Variants in KIF20A observed in about 807,000 individuals in gnomAD.
KIF20A encodes kinesin-like protein KIF20A.
Under a neutral mutation model 113.0 loss-of-function variants are expected in KIF20A, and 66 were observed. That is an observed-to-expected ratio of 0.58 (90% CI 0.48 to 0.72). The LOEUF is 0.72. Ranked by LOEUF, KIF20A falls within the 30% of genes least tolerant of loss-of-function variation. The probability of loss-of-function intolerance (pLI) is 0.00; values close to 1 mark genes in which losing one functional copy is unlikely to be tolerated. For missense variants in KIF20A, 927 were observed against 1,077.6 expected, an observed-to-expected ratio of 0.86 and a Z score of 1.96; for synonymous variants, 376 against 402.3, an observed-to-expected ratio of 0.93 and a Z score of 0.78.
In KIF20A at chr5:138,182,442, G is replaced by A; in HGVS notation, c.495G>A (p.Gly165=). Residue 165 remains glycine (G), a synonymous_variant, in exon 5 of 19, where the codon GGG becomes GGA. Transcript: ENST00000394894. ...LIYTYGVTNS[G]KTHTIQGTIK... is the part of the protein sequence containing the mutation. ...ATACATATGGAGTCACTAACTCAGG[G>A]AAAACCCACACGATTCAAGGTGAGT... is the stretch of plus-strand genomic sequence containing the variant. 6.2e-7 allele frequency: 1 copy of A among 1,614,120 alleles called. No homozygotes were observed. Among genetic ancestry groups the A allele is most frequent in the Non-Finnish European group, 8.5e-7 (1 of 1,179,970 alleles).
In KIF20A at chr5:138,182,987, G is replaced by A; in HGVS notation, c.829G>A (p.Asp277Asn). 1 of 1,614,132 alleles carries A rather than the reference G, an allele frequency of 6.2e-7. No individual in the cohort carries two copies. Reference protein sequence around the residue: ...ISQCTSSSQLDETSHRWAQPD... With the variant: ...ISQCTSSSQLNETSHRWAQPD... ...TCAGTGTACCAGCAGTAGCCAGCTG[G>A]ATGGTATGTACCGTGACTGGGCTCT... The change falls in exon 7 of 19, where the codon GAT becomes AAT. Residue 277 changes from aspartate (D) to asparagine (N), a missense_variant. Physicochemically the swap from Asp to Asn is conservative, Grantham distance 23. Coordinates refer to ENST00000394894, the MANE Select transcript of KIF20A (RefSeq NM_005733.3).
chr5:138,180,887 G>A (rs375573841), intron 2 of KIF20A, among the ~76,000 whole-genome samples: 1 of 152,182 alleles, frequency 6.6e-6, no homozygotes, highest in East Asian at 1.9e-4. Context: ...GTGTTGGCCA[G>A]ACTGGTCTGG....
intron 18 of KIF20A, 138 bp downstream of exon 18, chr5:138,186,569 A>G: frequency 1.0e-6 from 1 of 964,854 alleles, no homozygotes; most frequent in Non-Finnish European, 1.5e-6. Flanking sequence ...TGCAAAATAA[A>G]AATAACTATT....
Position 138,187,306 on chromosome 5 carries a change from C to T in KIF20A, c.2566C>T (p.Arg856Ter), listed in dbSNP as rs748338050. ...KKPFLRNLLP[R>*]TPTCQSSTDC... is the part of the protein sequence containing the mutation. ...ACCATTCCTTCGAAATTTACTTCCC[C>T]GAACACCAACCTGCCAAAGCTCAAC... The change falls in exon 19 of 19, where the codon CGA (arginine) becomes TGA (stop). Residue 856 changes from arginine to a stop codon, truncating the protein, a stop_gained. Transcript: ENST00000394894. LOFTEE classifies it high-confidence loss of function. The T allele has an allele frequency of 8.7e-6, 14 of 1,614,018 alleles. No homozygotes were observed. Among genetic ancestry groups the T allele is most frequent in the Admixed American group, 1.7e-5 (1 of 59,996 alleles).
In KIF20A at chr5:138,183,323, G is replaced by A; in HGVS notation, c.987G>A (p.Leu329=). ...GCCAACAGCGCAAGAGGCAGACTTTGCGGCTATGCGAGGATCAAAATGGCA... is the reference window on the plus strand; with the variant it reads ...GCCAACAGCGCAAGAGGCAGACTTTACGGCTATGCGAGGATCAAAATGGCA... ...PPSQQRKRQT[L]RLCEDQNGNP... is the part of the protein sequence containing the mutation. Residue 329 remains leucine (L), a synonymous_variant, in exon 8 of 19, where the codon TTG becomes TTA. Transcript: ENST00000394894. The surrounding 1 kb of genome is among the most constrained non-coding windows in gnomAD (Gnocchi z 5.2). The A allele has an allele frequency of 6.2e-7, 1 of 1,614,252 alleles. No individual in the cohort carries two copies. Among genetic ancestry groups the A allele is most frequent in the Non-Finnish European group, 8.5e-7 (1 of 1,180,052 alleles).
chr5:138,183,148 A>G lies in KIF20A; in HGVS notation c.833-21A>G, dbSNP rs754207545. 15 of 1,612,742 alleles carry G rather than the reference A, an allele frequency of 9.3e-6. No individual in the cohort carries two copies. In the African/African-American group the frequency reaches 1.6e-4, roughly 17 times the overall value. ...GTGAACTGCTCTAGGTTGATGCCCT[A>G]TACATTGGCTTCTTCTCCAGAAACA... On this transcript the variant is annotated intron_variant, in intron 7 of 18. Transcript: ENST00000394894. This position sits in a 1 kb window ranked among gnomAD's most constrained non-coding sequence, Gnocchi z 5.2.
rs202002672 is a variant in KIF20A at position 138,185,576 on chromosome 5, C to T, written c.1991C>T (p.Ala664Val). The change falls in exon 16 of 19, where the codon GCC becomes GTC. Residue 664 changes from alanine (A) to valine (V), a missense_variant. Coordinates refer to ENST00000394894, the MANE Select transcript of KIF20A (RefSeq NM_005733.3). ...LLQEARQQSV[A>V]HQQSGSELAL... Reference sequence around the variant, plus strand: ...CAGGAAGCCAGACAACAGTCAGTGGCCCATCAGCAATCAGGGTCTGAATTG... The same window carrying T: ...CAGGAAGCCAGACAACAGTCAGTGGTCCATCAGCAATCAGGGTCTGAATTG... The T allele has an allele frequency of 6.7e-5, 108 of 1,613,994 alleles. No individual in the cohort carries two copies. The highest frequency in any genetic ancestry group is 9.2e-5 in the Non-Finnish European group (108 of 1,180,020).
In KIF20A at chr5:138,185,949, T is replaced by C; in HGVS notation, c.2126-12T>C. On this transcript the variant is annotated splice_polypyrimidine_tract_variant and intron_variant, in intron 16 of 18. Transcript: ENST00000394894. ...CCCCACATATTTTAAGTTTCCTGTT[T>C]CCTTCCCTCAGAGTTGCATAAGTAT... The C allele has an allele frequency of 6.2e-7, 1 of 1,612,348 alleles. No individual in the cohort carries two copies. Among genetic ancestry groups the C allele is most frequent in the Non-Finnish European group, 8.5e-7 (1 of 1,178,508 alleles).
In KIF20A at chr5:138,182,455, A is replaced by G; in HGVS notation, c.508A>G (p.Ile170Val). 1 of 1,614,018 alleles carries G rather than the reference A, an allele frequency of 6.2e-7. No homozygotes were observed. Among genetic ancestry groups the G allele is most frequent in the Non-Finnish European group, 8.5e-7 (1 of 1,179,952 alleles). ...CACTAACTCAGGGAAAACCCACACG[A>G]TTCAAGGTGAGTAGTAAGCCTTCAC... is the stretch of plus-strand genomic sequence containing the variant. The part of the protein sequence containing the change: ...GVTNSGKTHT[I>V]QGTIKDGGIL... The change falls in exon 5 of 19, where the codon ATT becomes GTT. Residue 170 changes from isoleucine to valine, a missense_variant. By Grantham distance (29) the Ile-to-Val change is conservative. Transcript: ENST00000394894.
At position 138,186,517 on chromosome 5, in the gene KIF20A, G is replaced by A. The variant is rs1754748611; in HGVS notation, c.2355+86G>A. Reference sequence around the variant, plus strand: ...AAGGAAAGAGGACCAGAAGAAAAAGGTAAAGATTTTTAGGCTGAATTTATA... The same window carrying A: ...AAGGAAAGAGGACCAGAAGAAAAAGATAAAGATTTTTAGGCTGAATTTATA... On this transcript the variant is annotated intron_variant, in intron 18 of 18. Coordinates refer to ENST00000394894, the MANE Select transcript of KIF20A (RefSeq NM_005733.3). The A allele has an allele frequency of 1.0e-5, 15 of 1,446,928 alleles. No individual in the cohort carries two copies. The South Asian group carries it at 1.1e-4, about 10-fold the overall frequency. The allele number at this position is 1,446,928 out of a possible 1,614,324, so 89.6% of individuals were successfully genotyped here. A position where few individuals can be genotyped will look rare whatever the true frequency, so the allele number is the denominator to read the frequency against.
At position 138,184,882 on chromosome 5, in the gene KIF20A, C is replaced by G. The variant is rs1185333526; in HGVS notation, c.1759C>G (p.His587Asp). The G allele has an allele frequency of 1.2e-5, 20 of 1,614,160 alleles. No individual in the cohort carries two copies. Among genetic ancestry groups the G allele is most frequent in the Non-Finnish European group, 1.5e-5 (18 of 1,180,008 alleles). The change falls in exon 14 of 19, where the codon CAT (histidine) becomes GAT (aspartate). Residue 587 changes from histidine to aspartate, a missense_variant. Physicochemically the swap from His to Asp is moderately conservative, Grantham distance 81. Coordinates refer to ENST00000394894, the MANE Select transcript of KIF20A (RefSeq NM_005733.3). ...ERQEKLQLEMHLRDEICNEMV... is the reference protein window; with the variant it reads ...ERQEKLQLEMDLRDEICNEMV... ...ACAGGAAAAGCTACAGCTGGAGATG[C>G]ATCTCCGAGATGAAATTTGCAATGA...
Position 138,183,230 on chromosome 5 carries a change from C to G in KIF20A, c.894C>G (p.Arg298=), listed in dbSNP as rs146016855. 2.5e-6 allele frequency: 4 copies of G among 1,614,100 alleles called. No individual in the cohort carries two copies. The highest frequency in any genetic ancestry group is 1.3e-5 in the African/African-American group (1 of 74,940). ...CACTACCTGTCCCGGCAAACATTCG[C>G]TTCTCCATCTGGATCTCATTCTTTG... ...TAPLPVPANI[R]FSIWISFFEI... The change falls in exon 8 of 19, where the codon CGC becomes CGG. Residue 298 remains arginine (R), a synonymous_variant. Coordinates refer to ENST00000394894, the MANE Select transcript of KIF20A (RefSeq NM_005733.3). The surrounding 1 kb of genome is among the most constrained non-coding windows in gnomAD (Gnocchi z 5.2).
intron 2 of KIF20A, among the ~76,000 whole-genome samples, chr5:138,180,738 C>A (rs1475299571): frequency 6.6e-6 from 1 of 152,094 alleles, no homozygotes; most frequent in Non-Finnish European, 1.5e-5. Context: ...TGCAGTGGCA[C>A]AATCTCTGCT....
At position 138,183,020 on chromosome 5, in the gene KIF20A, A is replaced by G. The variant is rs1166731188; in HGVS notation, c.832+30A>G. On this transcript the variant is annotated intron_variant, in intron 7 of 18. Coordinates refer to ENST00000394894, the MANE Select transcript of KIF20A (RefSeq NM_005733.3). This position sits in a 1 kb window ranked among gnomAD's most constrained non-coding sequence, Gnocchi z 5.2. ...GTACCGTGACTGGGCTCTGCCAAAAAATAGTAGGAACTCACTCCCTGTTCC... is the reference window on the plus strand; with the variant it reads ...GTACCGTGACTGGGCTCTGCCAAAAGATAGTAGGAACTCACTCCCTGTTCC... 1.2e-6 allele frequency: 2 copies of G among 1,613,498 alleles called. No individual in the cohort carries two copies. Among genetic ancestry groups the G allele is most frequent in the African/African-American group, 2.7e-5 (2 of 74,908 alleles).
intron 4 of KIF20A, 63 bp from the exon 5 acceptor site, chr5:138,182,260 C>T (rs1158826984): frequency 9.6e-6 from 15 of 1,563,788 alleles, no homozygotes; most frequent in Non-Finnish European, 1.3e-5. Context: ...TATCTGCTGG[C>T]TCTGCACAGG....
chr5:138,182,502 A>G, intron 5 of KIF20A, 41 bp downstream of exon 5: 1 of 1,612,504 alleles, frequency 6.2e-7, no homozygotes, highest in South Asian at 1.1e-5. Context: ...TTGGCTGGTA[A>G]TGGTGTTGTT....
chr5:138,186,992 G>T, intron 18 of KIF20A, 104 bp from the exon 19 acceptor site: 2 of 837,706 alleles, frequency 2.4e-6, no homozygotes, highest in Non-Finnish European at 3.7e-6. Context: ...TGAAGAAACA[G>T]TTGTTAGTAA....
In KIF20A at chr5:138,187,646, G is replaced by C. The variant is rs1463158234; in HGVS notation, c.*233G>C. 2 of 366,656 alleles carry C rather than the reference G, an allele frequency of 5.5e-6. No homozygotes were observed. The highest frequency in any genetic ancestry group is 9.9e-6 in the Non-Finnish European group (2 of 202,742). 22.7% of individuals were successfully genotyped at this position (366,656 alleles called of 1,614,324 possible). ...TGCACACAAAAACAGTTATATTAAA[G>C]ATATTATTGTTCACATTTTTTATTG... is the stretch of plus-strand genomic sequence containing the variant. On this transcript the variant is annotated 3_prime_UTR_variant, in exon 19 of 19. Coordinates refer to ENST00000394894, the MANE Select transcript of KIF20A (RefSeq NM_005733.3).
chr5:138,181,455 G>A lies in KIF20A; in HGVS notation c.199G>A (p.Val67Ile), dbSNP rs1178634798. 6.2e-7 allele frequency: 1 copy of A among 1,614,244 alleles called. No homozygotes were observed. Among genetic ancestry groups the A allele is most frequent in the East Asian group, 2.2e-5 (1 of 44,884 alleles). ...PSEDSMEKVK[V>I]YLRVRPLLPS... ...TGAGGACAGTATGGAGAAGGTGAAA[G>A]TATACTTGAGGGTTAGGCCCTTGTT... The change falls in exon 3 of 19, where the codon GTA becomes ATA. Residue 67 changes from valine to isoleucine, a missense_variant. Coordinates refer to ENST00000394894, the MANE Select transcript of KIF20A (RefSeq NM_005733.3).
Sources: gnomAD v4.1 joint callset for allele counts (sites outside exome capture counted in the v4.1 genomes callset) on GRCh38, gnomAD v4.1.1 for gene constraint, Gnocchi (gnomAD v3.1) non-coding constraint, MANE v1.5 for transcripts, NCBI Gene and HGNC (gene_info 2026-07-23, HGNC 2026-07-21) for gene names.